SLC9A9: variants seen among roughly 807,000 people sequenced by gnomAD.
The protein encoded by SLC9A9 is sodium/hydrogen exchanger 9.
In SLC9A9, 62 loss-of-function variants were observed where a neutral mutation model predicts 77.8. That is an observed-to-expected ratio of 0.80 (90% confidence interval 0.65 to 0.98). SLC9A9 has a LOEUF of 0.98. Ranked by LOEUF, SLC9A9 falls within the 50% of genes least tolerant of loss-of-function variation. The probability of loss-of-function intolerance (pLI) is 0.00; values close to 1 mark genes in which losing one functional copy is unlikely to be tolerated. For synonymous variants in SLC9A9, 320 were observed against 283.5 expected (o/e 1.13, Z -1.29); for missense variants, 775 against 774.9 (o/e 1.00, Z 0.00).
chr3:143,317,877 G>A (rs573355343), intron 14 of SLC9A9, among the ~76,000 whole-genome samples: 7 of 152,156 alleles, frequency 4.6e-5, no homozygotes, highest in South Asian at 2.1e-4. Context: ...ACAGGCACCC[G>A]CCACCACGCC....
At chr3:143,693,099 T>C in intron 5 of SLC9A9, 93 bp downstream of exon 5, 2 of 906,044 alleles carry the variant, frequency 2.2e-6, no homozygotes, top group Non-Finnish European at 3.5e-6. Flanking sequence ...TAGAAATTAT[T>C]ATTATGTAGA....
At chr3:143,826,517 C>T (rs2009304591) in intron 2 of SLC9A9, among the ~76,000 whole-genome samples, 1 of 152,162 alleles carries the variant, frequency 6.6e-6, no homozygotes, top group African/African-American at 2.4e-5. Flanking sequence ...TTTGCTTTCA[C>T]TCTCTACCCT....
intron 14 of SLC9A9, 69 bp downstream of exon 14, chr3:143,363,415 A>G (rs2032807740): frequency 2.1e-6 from 3 of 1,435,254 alleles, no homozygotes; most frequent in African/African-American, 1.4e-5. Context: ...GCACACTTCA[A>G]TGATTAAGAG....
chr3:143,725,481 C>A (rs1349632923), intron 4 of SLC9A9, among the ~76,000 whole-genome samples: 2 of 151,828 alleles, frequency 1.3e-5, no homozygotes, highest in African/African-American at 2.4e-5. Context: ...GACTTGGAAC[C>A]AACCCAAATG....
chr3:143,431,795 C>T (rs1438459479), intron 12 of SLC9A9, among the ~76,000 whole-genome samples: 2 of 152,074 alleles, frequency 1.3e-5, no homozygotes, highest in African/African-American at 2.4e-5. Flanking sequence ...ACCCCTCTTA[C>T]TTCTCTAAAC....
chr3:143,338,680 C>G (rs2032000235), intron 14 of SLC9A9, among the ~76,000 whole-genome samples: 1 of 152,116 alleles, frequency 6.6e-6, no homozygotes, highest in Non-Finnish European at 1.5e-5. Context: ...TGGTCCAGGG[C>G]AAATCAATCA....
chr3:143,844,387 C>A (rs1011322547), intron 1 of SLC9A9, among the ~76,000 whole-genome samples: 2 of 152,126 alleles, frequency 1.3e-5, no homozygotes, highest in East Asian at 3.8e-4. Context: ...ACATTTGACA[C>A]ATGTCAAAGG....
intron 9 of SLC9A9, among the ~76,000 whole-genome samples, chr3:143,519,178 T>C (rs2036253212): frequency 6.6e-6 from 1 of 152,016 alleles, no homozygotes; most frequent in Admixed American, 6.6e-5. Flanking sequence ...ATCTAGTATA[T>C]TAGATAGTTA....
chr3:143,291,497 C>T (rs1021446913), intron 14 of SLC9A9, among the ~76,000 whole-genome samples: 1 of 152,172 alleles, frequency 6.6e-6, no homozygotes, highest in Non-Finnish European at 1.5e-5. Flanking sequence ...TAATCATATG[C>T]CAAAGCCATG....
intron 12 of SLC9A9, among the ~76,000 whole-genome samples, chr3:143,436,061 G>T (rs1013046941): frequency 2.0e-5 from 3 of 152,182 alleles, no homozygotes; most frequent in African/African-American, 7.2e-5. Context: ...CTCATCCTCA[G>T]ATCAGGCCTT....
chr3:143,391,731 A>G (rs573963837), intron 12 of SLC9A9, among the ~76,000 whole-genome samples: 3 of 152,242 alleles, frequency 2.0e-5, no homozygotes, highest in Non-Finnish European at 4.4e-5. Flanking sequence ...GCTAACTAGA[A>G]TAACCAGTGT....
chr3:143,327,710 G>T (rs1231569278), intron 14 of SLC9A9, among the ~76,000 whole-genome samples: 1 of 152,122 alleles, frequency 6.6e-6, no homozygotes, highest in Non-Finnish European at 1.5e-5. Context: ...ATGCTTGGGG[G>T]TAATATTCTA....
intron 6 of SLC9A9, among the ~76,000 whole-genome samples, chr3:143,628,341 C>T (rs983758226): frequency 2.6e-4 from 40 of 152,184 alleles, no homozygotes; most frequent in African/African-American, 8.9e-4. Context: ...GCCTAGCCTA[C>T]CTTAAATGTG....
intron 2 of SLC9A9, among the ~76,000 whole-genome samples, chr3:143,831,164 A>G (rs2009425044): frequency 6.6e-6 from 1 of 152,206 alleles, no homozygotes; most frequent in Non-Finnish European, 1.5e-5. Flanking sequence ...ATGGGATAAA[A>G]GTGAAACAAT....
At chr3:143,786,103 T>C (rs991895188) in intron 4 of SLC9A9, among the ~76,000 whole-genome samples, 9 of 151,650 alleles carry the variant, frequency 5.9e-5, no homozygotes, top group Admixed American at 5.3e-4. Context: ...GATCCGCCCG[T>C]CTCGGCCTCC....
intron 4 of SLC9A9, among the ~76,000 whole-genome samples, chr3:143,769,119 C>G (rs1344907613): frequency 6.6e-6 from 1 of 152,066 alleles, no homozygotes; most frequent in Non-Finnish European, 1.5e-5. Flanking sequence ...ATGTAAAATA[C>G]TTGGCAAGTG....
intron 4 of SLC9A9, among the ~76,000 whole-genome samples, chr3:143,712,354 G>A (rs190958227): frequency 3.3e-4 from 51 of 152,274 alleles, no homozygotes; most frequent in African/African-American, 1.2e-3. Context: ...TGAAACTGAG[G>A]TTCAGAGGAA....
chr3:143,706,155 G>A (rs753932671), intron 4 of SLC9A9, among the ~76,000 whole-genome samples: 22 of 152,286 alleles, frequency 1.4e-4, no homozygotes, highest in Middle Eastern at 3.4e-3. Flanking sequence ...CTGTCCTACC[G>A]TAGGTGGTTT....
chr3:143,714,149 C>A (rs1934269687), intron 4 of SLC9A9, among the ~76,000 whole-genome samples: 1 of 152,138 alleles, frequency 6.6e-6, no homozygotes. Context: ...AATTGGGACA[C>A]AACTCATTTT....
Sources: gnomAD v4.1 joint callset for allele counts (sites outside exome capture counted in the v4.1 genomes callset) on GRCh38, gnomAD v4.1.1 for gene constraint, MANE v1.5 for transcripts, NCBI Gene and HGNC (gene_info 2026-07-23, HGNC 2026-07-21) for gene names.